The following IGF2R variants were observed in gnomAD, a reference collection of about 807,000 sequenced individuals.
The protein encoded by IGF2R is cation-independent mannose-6-phosphate receptor.
In IGF2R, 91 loss-of-function variants were observed where a neutral mutation model predicts 270.6. The observed-to-expected ratio is 0.34, with a 90% CI of 0.28 to 0.40. IGF2R has a LOEUF of 0.40. IGF2R is among the 10% of genes least tolerant of loss of function. The pLI, the probability that IGF2R is intolerant of heterozygous loss-of-function variation, is 1.00. For synonymous variants in IGF2R, 1,316 were observed against 1,258.9 expected, an observed-to-expected ratio of 1.05 and a Z score of -0.96; for missense variants, 2,805 against 3,188.3, an observed-to-expected ratio of 0.88 and a Z score of 2.90.
At chr6:159,989,576 A>C (rs183757857) in intron 1 of IGF2R, among the ~76,000 whole-genome samples, 2 of 152,338 alleles carry the variant, frequency 1.3e-5, no homozygotes, top group Admixed American at 1.3e-4. Flanking sequence ...GAGTTAAATA[A>C]CAGTTTTTGC....
rs1779715644 is a variant in IGF2R, at chr6:160,110,265, TGGGTGGGTGGTCTGTATGA to T, written c.*5183_*5201del. 6.6e-6 allele frequency: 1 copy of T among 152,190 alleles called. No individual in the cohort carries two copies. Among genetic ancestry groups the T allele is most frequent in the Non-Finnish European group, 1.5e-5 (1 of 68,042 alleles). 9.4% of individuals were successfully genotyped at this position (152,190 alleles called of 1,614,324 possible). ...TTCCAGAGGCTCCCACGGAGCATGC[TGGGTGGGTGGTCTGTATGA>T]GACCACACCGTTGATGAGCAGTGAG... On this transcript the variant is annotated 3_prime_UTR_variant, in exon 48 of 48. Transcript: ENST00000356956.
In IGF2R at chr6:160,103,751, C is replaced by T. The variant is rs769851797; in HGVS notation, c.7001C>T (p.Thr2334Ile). 1.9e-6 allele frequency: 3 copies of T among 1,606,576 alleles called. No homozygotes were observed. The highest frequency in any genetic ancestry group is 1.7e-6 in the Non-Finnish European group (2 of 1,173,240). The part of the protein sequence containing the change: ...LLLYKKERRE[T>I]VISKLTTCCR... ...TGTCTCCTTTTTTTTTATAGGGAAA[C>T]AGTGATAAGTAAGCTGACCACTTGC... The change falls in exon 47 of 48, where the codon ACA (threonine) becomes ATA (isoleucine). Residue 2334 changes from threonine (T) to isoleucine (I), a missense_variant. Physicochemically the swap from Thr to Ile is moderately conservative, Grantham distance 89. This residue lies in a region of IGF2R where 1,851 missense variants were observed against 2,207.2 expected (regional missense o/e 0.84). Coordinates refer to ENST00000356956, the MANE Select transcript of IGF2R (RefSeq NM_000876.4).
At chr6:159,973,687 A>C (rs1420008342) in intron 1 of IGF2R, among the ~76,000 whole-genome samples, 1 of 152,228 alleles carries the variant, frequency 6.6e-6, no homozygotes, top group Non-Finnish European at 1.5e-5. Context: ...TGGTTACATT[A>C]GATCTCATGG....
intron 29 of IGF2R, among the ~76,000 whole-genome samples, chr6:160,065,814 G>GTGTGTATATATATATATATATATATATA: frequency 1.3e-5 from 1 of 78,390 alleles, no homozygotes; most frequent in African/African-American, 5.6e-5. Context: ...GTGTGTGTGT[G>GTGTGTATATATATATATATATATATATA]TATATATATA....
Position 160,047,327 on chromosome 6 carries a change from T to C in IGF2R, c.2220T>C (p.Pro740=), listed in dbSNP as rs1234622994. 1.3e-6 allele frequency: 2 copies of C among 1,591,054 alleles called. No individual in the cohort carries two copies. The highest frequency in any genetic ancestry group is 2.3e-5 in the South Asian group (2 of 88,722). The change falls in exon 16 of 48, where the codon CCT becomes CCC. Residue 740 remains proline, a synonymous_variant. Coordinates refer to ENST00000356956, the MANE Select transcript of IGF2R (RefSeq NM_000876.4). ...ATCGAGACGCGGGAGTGGGCTTCCC[T>C]GAATATCAGGTAGGAATGTTTGTTC... ...LCDRDAGVGF[P]EYQEEDNSTY... is the part of the protein sequence containing the mutation.
intron 45 of IGF2R, among the ~76,000 whole-genome samples, chr6:160,101,684 GC>G (rs1040885927): frequency 6.6e-6 from 1 of 152,236 alleles, no homozygotes; most frequent in Non-Finnish European, 1.5e-5. Context: ...TGTGTGTGTG[GC>G]CCCAAGTGAC....
At chr6:160,010,645 G>A in intron 3 of IGF2R, 42 bp from the exon 4 acceptor site, 3 of 1,132,320 alleles carry the variant, frequency 2.6e-6, no homozygotes, top group Non-Finnish European at 4.0e-6. Context: ...TCTTTACAAT[G>A]TGTGGTATGG....
At chr6:159,994,292 A>G (rs577246685) in intron 2 of IGF2R, among the ~76,000 whole-genome samples, 5 of 151,850 alleles carry the variant, frequency 3.3e-5, no homozygotes, top group East Asian at 1.9e-4. Flanking sequence ...CATAGTATCA[A>G]TGTCTACTTT....
At chr6:160,087,522 T>C (rs1449407083) in intron 41 of IGF2R, among the ~76,000 whole-genome samples, 1 of 152,200 alleles carries the variant, frequency 6.6e-6, no homozygotes, top group East Asian at 1.9e-4. Flanking sequence ...GGTCTTAGGC[T>C]GTGACAATTG....
rs1033706579 is a variant in IGF2R, at chr6:160,084,816, G to T, written c.6069-179G>T. 2.0e-5 allele frequency among the ~76,000 whole-genome samples: 3 copies of T among 152,002 alleles called. No homozygotes were observed. ...TTGGTGAGCTCCCTTCTTCAGTGAA[G>T]ACTTCTTTTGCCCTTTTTTTTTTTA... On this transcript the variant is annotated intron_variant, in intron 40 of 47. Transcript: ENST00000356956. This position sits in a 1 kb window ranked among gnomAD's most constrained non-coding sequence, Gnocchi z 4.6.
At chr6:160,044,970 GA>G (rs375841025) in intron 13 of IGF2R, among the ~76,000 whole-genome samples, 6 of 152,066 alleles carry the variant, frequency 3.9e-5, no homozygotes, top group Non-Finnish European at 8.8e-5. Context: ...CTTCAAAGGG[GA>G]AAAAAATCAT....
intron 21 of IGF2R, 131 bp downstream of exon 21, chr6:160,058,255 A>G: frequency 1.5e-6 from 1 of 652,360 alleles, no homozygotes; most frequent in South Asian, 1.8e-5. Context: ...TCAGAAGGAG[A>G]TGGGAAAATC....
At position 160,032,670 on chromosome 6, in the gene IGF2R, G is replaced by A; in HGVS notation, c.1002G>A (p.Gln334=). Residue 334 remains glutamine, a synonymous_variant, in exon 8 of 48, where the codon CAG becomes CAA. Coordinates refer to ENST00000356956, the MANE Select transcript of IGF2R (RefSeq NM_000876.4). ...ESKTCSLSGE[Q]QDVSIDLTPL... Reference sequence around the variant, plus strand: ...AAACTTGTTCTCTGAGCGGCGAGCAGCAGGATGTCTCCATAGACCTCACAC... The same window carrying A: ...AAACTTGTTCTCTGAGCGGCGAGCAACAGGATGTCTCCATAGACCTCACAC... The A allele has an allele frequency of 3.1e-6, 5 of 1,614,164 alleles. No homozygotes were observed. Among genetic ancestry groups the A allele is most frequent in the Non-Finnish European group, 4.2e-6 (5 of 1,180,026 alleles).
rs147775712 is a variant in IGF2R at position 159,976,323 on chromosome 6, T to G, written c.149+6928T>G. Among the ~76,000 whole-genome samples the G allele has an allele frequency of 9.6e-4, 146 of 152,280 alleles. 2 individuals are homozygous for G. In the East Asian group the frequency reaches 0.026, roughly 27 times the overall value. On this transcript the variant is annotated intron_variant, in intron 1 of 47. Transcript: ENST00000356956. ...AATAAGTAGCATGCTACTCTCATAT[T>G]TTTGATACTCTATAGCTCTAGGTAA...
chr6:159,973,028 T>TAGA, intron 1 of IGF2R, among the ~76,000 whole-genome samples: 1 of 152,272 alleles, frequency 6.6e-6, no homozygotes, highest in South Asian at 2.1e-4. Flanking sequence ...ACAAAGTTAG[T>TAGA]AGAAAACTTG....
chr6:160,091,163 C>T (rs1467453512), intron 44 of IGF2R, among the ~76,000 whole-genome samples: 2 of 119,972 alleles, frequency 1.7e-5, no homozygotes, highest in Non-Finnish European at 3.5e-5. Context: ...AGCACATCGC[C>T]GAGAAGGAGC....
At chr6:160,023,333 A>G (rs1170774525) in intron 4 of IGF2R, among the ~76,000 whole-genome samples, 2 of 152,098 alleles carry the variant, frequency 1.3e-5, no homozygotes, top group East Asian at 1.9e-4. Context: ...GGCTCAAGCA[A>G]CTGGTTGAAT....
At chr6:160,029,274 C>T (rs1251508275) in intron 6 of IGF2R, among the ~76,000 whole-genome samples, 1 of 152,192 alleles carries the variant, frequency 6.6e-6, no homozygotes, top group African/African-American at 2.4e-5. Context: ...GCCATCGCAC[C>T]CAGCCAGGTT....
At chr6:159,990,148 T>C (rs1474737200) in intron 1 of IGF2R, among the ~76,000 whole-genome samples, 1 of 152,236 alleles carries the variant, frequency 6.6e-6, no homozygotes, top group African/African-American at 2.4e-5. Context: ...TAAAAAATCC[T>C]TTGGCTTTTC....
Sources: gnomAD v4.1 joint callset for allele counts (sites outside exome capture counted in the v4.1 genomes callset) on GRCh38, gnomAD v4.1.1 for gene constraint, gnomAD v4.1.1 regional missense constraint, Gnocchi (gnomAD v3.1) non-coding constraint, MANE v1.5 for transcripts, NCBI Gene and HGNC (gene_info 2026-07-23, HGNC 2026-07-21) for gene names.